ZNF585B: variants seen among roughly 807,000 people sequenced by gnomAD.
The protein encoded by ZNF585B is zinc finger protein 585B, also known as zinc finger protein 41-like protein.
A neutral mutation model predicts 14.0 loss-of-function variants in ZNF585B; 7 were observed. That is an observed-to-expected ratio of 0.50 (90% CI 0.28 to 0.94). ZNF585B has a LOEUF of 0.94. ZNF585B is among the 40% of genes least tolerant of loss of function. The pLI, the probability that ZNF585B is intolerant of heterozygous loss-of-function variation, is 0.09. For missense variants in ZNF585B, 750 were observed against 924.4 expected, an observed-to-expected ratio of 0.81 and a Z score of 2.45; for synonymous variants, 290 against 317.3, an observed-to-expected ratio of 0.91 and a Z score of 0.91.
intron 2 of ZNF585B, among the ~76,000 whole-genome samples, chr19:37,202,639 GGTTT>G (rs1972542307): frequency 7.0e-6 from 1 of 142,174 alleles, no homozygotes. Context: ...ATATTTGCAT[GGTTT>G]TTTTTTTTTT....
chr19:37,208,223 G>A (rs904935541), intron 1 of ZNF585B, among the ~76,000 whole-genome samples: 14 of 152,088 alleles, frequency 9.2e-5, no homozygotes, highest in East Asian at 1.9e-4. Context: ...CGCCTGCCTC[G>A]GCCTCCCAAA....
chr19:37,189,802 G>C, intron 3 of ZNF585B, 49 bp from the exon 4 acceptor site: 1 of 1,610,710 alleles, frequency 6.2e-7, no homozygotes, highest in Non-Finnish European at 8.5e-7. Context: ...TTACGTTTCA[G>C]AGCCCAACAA....
chr19:37,207,237 C>T lies in ZNF585B; in HGVS notation c.-126G>A. 1 of 1,501,416 alleles carries T rather than the reference C, an allele frequency of 6.7e-7. No individual in the cohort carries two copies. Among genetic ancestry groups the T allele is most frequent in the Non-Finnish European group, 8.9e-7 (1 of 1,128,638 alleles). The allele number at this position is 1,501,416 out of a possible 1,614,324, so 93.0% of individuals were successfully genotyped here. ...GAGGAAGGTCTGGCCCAGGGACTCCCCAGAGACACCCAAGAACCTAGAAAA... is the reference window on the plus strand; with the variant it reads ...GAGGAAGGTCTGGCCCAGGGACTCCTCAGAGACACCCAAGAACCTAGAAAA... On this transcript the variant is annotated 5_prime_UTR_variant, in exon 2 of 5. Coordinates refer to ENST00000532828, the MANE Select transcript of ZNF585B (RefSeq NM_152279.4).
At chr19:37,208,599 A>AT (rs918104885) in intron 1 of ZNF585B, among the ~76,000 whole-genome samples, 6 of 152,160 alleles carry the variant, frequency 3.9e-5, no homozygotes, top group African/African-American at 1.4e-4. Flanking sequence ...AGGCCAAAAA[A>AT]AAAAATAAAA....
At chr19:37,206,539 G>A (rs1019730153) in intron 2 of ZNF585B, among the ~76,000 whole-genome samples, 1 of 152,026 alleles carries the variant, frequency 6.6e-6, no homozygotes, top group Non-Finnish European at 1.5e-5. Flanking sequence ...GTAATGAGAA[G>A]CTCAATAGAA....
rs969078986 is a variant in ZNF585B, at chr19:37,190,280, C to T, written c.73-130G>A. ...ATTTTTTTTTTGAGACAGTCTTGCTCTGTTCCCCAGGCTGGAGTGCAGTGG... is the reference window on the plus strand; with the variant it reads ...ATTTTTTTTTTGAGACAGTCTTGCTTTGTTCCCCAGGCTGGAGTGCAGTGG... On this transcript the variant is annotated intron_variant, in intron 2 of 4. Transcript: ENST00000532828. The T allele has an allele frequency of 2.2e-5, 30 of 1,367,652 alleles. No homozygotes were observed. In the Admixed American group the frequency reaches 5.6e-4, roughly 26 times the overall value. The allele number at this position is 1,367,652 out of a possible 1,614,324, so 84.7% of individuals were successfully genotyped here. A position where few individuals can be genotyped will look rare whatever the true frequency, so the allele number is the denominator to read the frequency against.
rs935144073 is a variant in ZNF585B, at chr19:37,210,426, C to G, written c.-144+15G>C. 6.6e-6 allele frequency: 1 copy of G among 152,240 alleles called. No homozygotes were observed. The highest frequency in any genetic ancestry group is 1.5e-5 in the Non-Finnish European group (1 of 68,048). 9.4% of individuals were successfully genotyped at this position (152,240 alleles called of 1,614,324 possible). On this transcript the variant is annotated intron_variant, in intron 1 of 4. Transcript: ENST00000532828. ...CTCTATTACTGACTTCACAGAATCC[C>G]TAATTGCAACCAACCAAAATCGTCA...
At chr19:37,189,096 C>T (rs1236570675) in intron 4 of ZNF585B, among the ~76,000 whole-genome samples, 2 of 152,032 alleles carry the variant, frequency 1.3e-5, no homozygotes, top group African/African-American at 2.4e-5. Flanking sequence ...CACCACTACA[C>T]CCAGCTAATT....
At position 37,185,987 on chromosome 19, in the gene ZNF585B, G is replaced by C. The variant is rs751030133; in HGVS notation, c.1550C>G (p.Thr517Ser). 6.2e-7 allele frequency: 1 copy of C among 1,613,900 alleles called. No homozygotes were observed. Among genetic ancestry groups the C allele is most frequent in the South Asian group, 1.1e-5 (1 of 91,072 alleles). The change falls in exon 5 of 5, where the codon ACT becomes AGT. Residue 517 changes from threonine (T) to serine (S), a missense_variant. By Grantham distance (58) the Thr-to-Ser change is moderately conservative (BLOSUM62 1). This residue lies in a region of ZNF585B where 233 missense variants were observed against 354.1 expected (regional missense o/e 0.66). Transcript: ENST00000532828. Reference sequence around the variant, plus strand: ...ATTGCATTCATAAGGCTTCTCCCCAGTATGGATTCTCTGATGTGTAATCAA... The same window carrying C: ...ATTGCATTCATAAGGCTTCTCCCCACTATGGATTCTCTGATGTGTAATCAA... The part of the protein sequence containing the change: ...SDLITHQRIH[T>S]GEKPYECNTC...
chr19:37,205,459 A>G (rs1040032798), intron 2 of ZNF585B, among the ~76,000 whole-genome samples: 2 of 152,194 alleles, frequency 1.3e-5, no homozygotes, highest in East Asian at 3.9e-4. Flanking sequence ...TATTTTACCA[A>G]ACAAACATTA....
chr19:37,187,670 A>G (rs1177622972), intron 4 of ZNF585B, among the ~76,000 whole-genome samples: 1 of 152,156 alleles, frequency 6.6e-6, no homozygotes, highest in East Asian at 1.9e-4. Context: ...TTTGAAATCC[A>G]AACACTTTTT....
chr19:37,190,779 T>C (rs1972392231), intron 2 of ZNF585B, among the ~76,000 whole-genome samples: 1 of 151,926 alleles, frequency 6.6e-6, no homozygotes, highest in Non-Finnish European at 1.5e-5. Context: ...TTGGCCAGAA[T>C]GGTCTCTATC....
chr19:37,193,759 G>A (rs554498265), intron 2 of ZNF585B, among the ~76,000 whole-genome samples: 53 of 152,250 alleles, frequency 3.5e-4, no homozygotes, highest in Admixed American at 1.5e-3. Flanking sequence ...CAGTCTGGGT[G>A]ACAGAGGGAG....
At chr19:37,188,306 G>C (rs927974055) in intron 4 of ZNF585B, among the ~76,000 whole-genome samples, 3 of 152,064 alleles carry the variant, frequency 2.0e-5, no homozygotes, top group Admixed American at 2.0e-4. Context: ...GACCAACATG[G>C]AGAAACCCCA....
At chr19:37,189,929 C>T in intron 3 of ZNF585B, 95 bp downstream of exon 3, 1 of 1,577,648 alleles carries the variant, frequency 6.3e-7, no homozygotes, top group Non-Finnish European at 8.6e-7. Context: ...AGGACAAAAC[C>T]ATCACCTATC....
intron 2 of ZNF585B, among the ~76,000 whole-genome samples, chr19:37,193,012 G>A (rs1220009543): frequency 6.6e-6 from 1 of 151,808 alleles, no homozygotes; most frequent in African/African-American, 2.4e-5. Flanking sequence ...GCACATGCCT[G>A]GAATCCCGGC....
Position 37,187,251 on chromosome 19 carries a change from G to C in ZNF585B, c.293-7C>G. On this transcript the variant is annotated splice_region_variant and splice_polypyrimidine_tract_variant and intron_variant, in intron 4 of 4. Transcript: ENST00000532828. The stretch of plus-strand genomic sequence containing the variant: ...TGGTCCCATAATTTCTCTCCTGTTG[G>C]AGTACATTCACAGTAAGTATAGAAA... 1 of 1,583,810 alleles carries C rather than the reference G, an allele frequency of 6.3e-7. No homozygotes were observed. The highest frequency in any genetic ancestry group is 8.6e-7 in the Non-Finnish European group (1 of 1,163,140).
rs1177225284 is a variant in ZNF585B at position 37,182,603 on chromosome 19, ATGGCTCAGTAGACATTGAT to A, written c.*2605_*2623del. ...AAGAAGTGAGGAAGCAGAGCTAATG[ATGGCTCAGTAGACATTGAT>A]CTAAGGTGAGGTAATGGGATGTGTC... On this transcript the variant is annotated 3_prime_UTR_variant, in exon 5 of 5. Transcript: ENST00000532828. 6.6e-6 allele frequency: 1 copy of A among 152,222 alleles called. No homozygotes were observed. The highest frequency in any genetic ancestry group is 2.4e-5 in the African/African-American group (1 of 41,454). The allele number at this position is 152,222 out of a possible 1,614,324, so 9.4% of individuals were successfully genotyped here.
intron 3 of ZNF585B, 73 bp downstream of exon 3, chr19:37,189,951 C>A: frequency 6.3e-7 from 1 of 1,592,740 alleles, no homozygotes; most frequent in East Asian, 2.2e-5. Context: ...AAGATGCCAA[C>A]AGCATTCGTC....
Sources: allele counts gnomAD v4.1 joint callset (sites outside exome capture counted in the v4.1 genomes callset), GRCh38; gene constraint gnomAD v4.1.1; regional missense constraint gnomAD v4.1.1; transcripts MANE v1.5; gene names NCBI Gene and HGNC (gene_info 2026-07-23, HGNC 2026-07-21).